RFX4: variants seen among roughly 807,000 people sequenced by gnomAD.
RFX4 encodes the protein transcription factor RFX4.
In RFX4, 10 loss-of-function variants were observed where a neutral mutation model predicts 95.0. The ratio of observed to expected loss-of-function variants is 0.11; its 90% confidence interval spans 0.06 to 0.18. The LOEUF is 0.18. Among genes scored for constraint, RFX4 ranks in the 10% least tolerant of loss-of-function variants. The pLI, the probability that RFX4 is intolerant of heterozygous loss-of-function variation, is 1.00. For missense variants in RFX4, 640 were observed against 922.0 expected, an observed-to-expected ratio of 0.69 and a Z score of 3.96; for synonymous variants, 321 against 340.7, an observed-to-expected ratio of 0.94 and a Z score of 0.64.
chr12:106,673,526 C>G, intron 4 of RFX4, among the ~76,000 whole-genome samples: 1 of 152,182 alleles, frequency 6.6e-6, no homozygotes, highest in East Asian at 1.9e-4. Flanking sequence ...GAAGAAAGAG[C>G]AAAAGGTCTT....
Position 106,687,055 on chromosome 12 carries a change from T to C in RFX4, c.549T>C (p.Asn183=), listed in dbSNP as rs1565979665. ...KLGTLLPEFP[N]VKDLNLPASL... ...GAACACTGCTGCCAGAATTTCCCAA[T>C]GTCAAAGATCTAAATCTGCCAGCCA... The change falls in exon 6 of 18, where the codon AAT becomes AAC. Residue 183 remains asparagine, a synonymous_variant. Coordinates refer to ENST00000392842, the MANE Select transcript of RFX4 (RefSeq NM_213594.3). 3.7e-6 allele frequency: 6 copies of C among 1,613,906 alleles called. No individual in the cohort carries two copies. Among genetic ancestry groups the C allele is most frequent in the Non-Finnish European group, 2.5e-6 (3 of 1,179,976 alleles).
chr12:106,635,753 T>C (rs1034250114), intron 2 of RFX4, among the ~76,000 whole-genome samples: 1 of 152,226 alleles, frequency 6.6e-6, no homozygotes, highest in Admixed American at 6.5e-5. Context: ...CTAAAAACAT[T>C]AACACTACCT....
In RFX4 at chr12:106,761,369, C is replaced by A. The variant is rs910564212; in HGVS notation, c.2108C>A (p.Thr703Lys). Reference protein sequence around the residue: ...ARYGNSSDMYTPLTTRRNSEY... With the variant: ...ARYGNSSDMYKPLTTRRNSEY... The stretch of plus-strand genomic sequence containing the variant: ...TACGGAAACTCTAGTGACATGTATA[C>A]ACCTCTGACAACGCGCAGGAATTCT... Residue 703 changes from threonine to lysine, a missense_variant, in exon 18 of 18, where the codon ACA becomes AAA. By Grantham distance (78) the Thr-to-Lys change is moderately conservative. Coordinates refer to ENST00000392842, the MANE Select transcript of RFX4 (RefSeq NM_213594.3). 2.5e-6 allele frequency: 4 copies of A among 1,614,142 alleles called. No homozygotes were observed. In the Admixed American group the frequency reaches 5.0e-5, roughly 20 times the overall value.
At chr12:106,678,224 C>G (rs2041435425) in intron 4 of RFX4, among the ~76,000 whole-genome samples, 1 of 152,174 alleles carries the variant, frequency 6.6e-6, no homozygotes, top group Non-Finnish European at 1.5e-5. Flanking sequence ...CAGGGGCCTT[C>G]TGGCACATCT....
chr12:106,747,583 C>T lies in RFX4; in HGVS notation c.1780C>T (p.His594Tyr). 10 of 1,613,812 alleles carry T rather than the reference C, an allele frequency of 6.2e-6. No individual in the cohort carries two copies. Among genetic ancestry groups the T allele is most frequent in the Non-Finnish European group, 8.5e-6 (10 of 1,179,908 alleles). ...CACACACAGGATACCAGTTTATCCC[C>T]ACAGAGAGGAACATGGGTAGGTAAC... ...SVTHRIPVYP[H>Y]REEHGYTGSY... is the part of the protein sequence containing the mutation. Residue 594 changes from histidine to tyrosine, a missense_variant, in exon 16 of 18, where the codon CAC (histidine) becomes TAC (tyrosine). Physicochemically the swap from His to Tyr is moderately conservative, Grantham distance 83. Transcript: ENST00000392842.
intron 8 of RFX4, among the ~76,000 whole-genome samples, chr12:106,706,196 G>A (rs1793372833): frequency 6.6e-6 from 1 of 152,272 alleles, no homozygotes; most frequent in Non-Finnish European, 1.5e-5. Flanking sequence ...AGTTGGAGTT[G>A]GAGGCCAGAG....
chr12:106,601,025 GT>G, intron 1 of RFX4: 1 of 835,938 alleles, frequency 1.2e-6, no homozygotes, highest in Non-Finnish European at 1.6e-6. Flanking sequence ...CTCAGAGCCT[GT>G]CAAACAGTAG....
chr12:106,733,438 A>G (rs1478941865), intron 15 of RFX4: 3 of 191,654 alleles, frequency 1.6e-5, no homozygotes, highest in Non-Finnish European at 3.2e-5. Context: ...TCATTTATTC[A>G]TTGGTACACA....
intron 4 of RFX4, among the ~76,000 whole-genome samples, chr12:106,678,920 A>G (rs938859639): frequency 1.1e-4 from 17 of 152,200 alleles, no homozygotes; most frequent in South Asian, 8.3e-4. Context: ...TGCTGTTTCA[A>G]ATTTTTCACT....
At chr12:106,689,387 G>A (rs760458025) in intron 7 of RFX4, 23 bp downstream of exon 7, 15 of 1,554,784 alleles carry the variant, frequency 9.6e-6, no homozygotes, top group Non-Finnish European at 1.3e-5. Context: ...GGGTTGAGCT[G>A]TGAATACTCG....
chr12:106,604,695 C>T (rs1460497856), intron 1 of RFX4, among the ~76,000 whole-genome samples: 1 of 151,878 alleles, frequency 6.6e-6, no homozygotes, highest in East Asian at 1.9e-4. Flanking sequence ...AGTAGAGAGT[C>T]AAAAGAAATA....
chr12:106,622,538 G>C (rs1948572146), intron 2 of RFX4, among the ~76,000 whole-genome samples: 1 of 151,780 alleles, frequency 6.6e-6, no homozygotes, highest in African/African-American at 2.4e-5. Flanking sequence ...ATGATTATGA[G>C]CTTTTGCTTA....
intron 4 of RFX4, among the ~76,000 whole-genome samples, chr12:106,654,811 T>TA (rs928265556): frequency 7.9e-5 from 12 of 151,938 alleles, no homozygotes; most frequent in African/African-American, 2.2e-4. Context: ...TTCCACCTTA[T>TA]AAAAAAAATG....
chr12:106,760,504 C>T (rs1264860808), intron 17 of RFX4, among the ~76,000 whole-genome samples: 1 of 152,198 alleles, frequency 6.6e-6, no homozygotes, highest in Non-Finnish European at 1.5e-5. Context: ...CAACTGGTTT[C>T]TCTTGACTCC....
intron 11 of RFX4, among the ~76,000 whole-genome samples, chr12:106,719,358 C>A (rs2042355087): frequency 6.6e-6 from 1 of 152,118 alleles, no homozygotes; most frequent in African/African-American, 2.4e-5. Flanking sequence ...TGTGCCCTAC[C>A]CTGGGCAGAG....
intron 2 of RFX4, among the ~76,000 whole-genome samples, chr12:106,621,912 C>T (rs1359232389): frequency 6.6e-6 from 1 of 152,140 alleles, no homozygotes; most frequent in Non-Finnish European, 1.5e-5. Context: ...TTCCTCTAGT[C>T]CTGTCTGCAT....
rs567847749 is a variant in RFX4, at chr12:106,669,603, C to T, written c.316-12390C>T. On this transcript the variant is annotated intron_variant, in intron 4 of 17. Transcript: ENST00000392842. ...TCTGCCCACCCTCCTCCCATCCTGA[C>T]GTGGGGTCACTTGCACACCCCTGAA... 1.1e-4 allele frequency among the ~76,000 whole-genome samples: 16 copies of T among 152,060 alleles called. No homozygotes were observed. The South Asian group carries it at 2.3e-3, about 22-fold the overall frequency.
chr12:106,599,796 T>C (rs2039673409), intron 1 of RFX4, among the ~76,000 whole-genome samples: 1 of 151,992 alleles, frequency 6.6e-6, no homozygotes, highest in African/African-American at 2.4e-5. Context: ...GACAAGTAAG[T>C]CTCGGTTTGC....
At chr12:106,713,059 C>A (rs2042221442) in intron 10 of RFX4, among the ~76,000 whole-genome samples, 1 of 152,224 alleles carries the variant, frequency 6.6e-6, no homozygotes, top group African/African-American at 2.4e-5. Context: ...GTAATTTAAT[C>A]AGCAAATGCC....
Sources: allele counts gnomAD v4.1 joint callset (sites outside exome capture counted in the v4.1 genomes callset), GRCh38; gene constraint gnomAD v4.1.1; transcripts MANE v1.5; gene names NCBI Gene and HGNC (gene_info 2026-07-23, HGNC 2026-07-21).